OSBPL2: variants seen among roughly 807,000 people sequenced by gnomAD.
The protein encoded by OSBPL2 is oxysterol binding protein like 2, also known as oxysterol-binding protein-related protein 2.
OSBPL2 carries 18 observed loss-of-function variants against 58.4 expected under a neutral mutation model. The ratio of observed to expected loss-of-function variants is 0.31; its 90% confidence interval spans 0.21 to 0.46. The LOEUF is 0.46. Ranked by LOEUF, OSBPL2 falls within the 20% of genes least tolerant of loss-of-function variation. OSBPL2 has a pLI of 1.00. For missense variants in OSBPL2, 461 were observed against 616.5 expected, an observed-to-expected ratio of 0.75 and a Z score of 2.67; for synonymous variants, 221 against 234.1, an observed-to-expected ratio of 0.94 and a Z score of 0.51.
chr20:62,293,196 A>G (rs1416171414), intron 13 of OSBPL2, among the ~76,000 whole-genome samples: 1 of 132,918 alleles, frequency 7.5e-6, no homozygotes, highest in Non-Finnish European at 1.7e-5. Flanking sequence ...TAAAAAAAAT[A>G]TACTGTGAAA....
chr20:62,258,176 T>C (rs974534157), intron 2 of OSBPL2, among the ~76,000 whole-genome samples: 4 of 152,142 alleles, frequency 2.6e-5, no homozygotes, highest in Non-Finnish European at 4.4e-5. Flanking sequence ...TCCCCAAGGA[T>C]GAGGTGGAAG....
chr20:62,262,838 G>A (rs982306096), intron 3 of OSBPL2, among the ~76,000 whole-genome samples: 5 of 152,168 alleles, frequency 3.3e-5, no homozygotes, highest in African/African-American at 1.2e-4. Context: ...GGAGAGCCCT[G>A]GGGTGTCCCT....
chr20:62,261,084 G>A (rs1312976536), intron 3 of OSBPL2, among the ~76,000 whole-genome samples: 1 of 152,074 alleles, frequency 6.6e-6, no homozygotes, highest in South Asian at 2.1e-4. Flanking sequence ...TTGGAAGGCC[G>A]AGGTGGGCGG....
chr20:62,244,514 C>T (rs1979962529), intron 1 of OSBPL2, among the ~76,000 whole-genome samples: 1 of 152,238 alleles, frequency 6.6e-6, no homozygotes, highest in Admixed American at 6.5e-5. Flanking sequence ...TCGTGGGCCG[C>T]ATTGGAACAG....
intron 8 of OSBPL2, 192 bp from the exon 9 acceptor site, chr20:62,281,598 A>G (rs1383729234): frequency 1.6e-5 from 9 of 554,802 alleles, no homozygotes; most frequent in Non-Finnish European, 2.0e-5. Context: ...ATTTTTAGTA[A>G]ATTGACCGAA....
intron 12 of OSBPL2, among the ~76,000 whole-genome samples, chr20:62,290,402 AT>A (rs869227501): frequency 8.8e-6 from 1 of 113,716 alleles, no homozygotes; most frequent in Non-Finnish European, 1.8e-5. Flanking sequence ...CACCTGGCTA[AT>A]TTTTTGGGTT....
Position 62,256,159 on chromosome 20 carries a change from G to A in OSBPL2, c.-26G>A. On this transcript the variant is annotated 5_prime_UTR_variant, in exon 2 of 14. Coordinates refer to ENST00000313733, the MANE Select transcript of OSBPL2 (RefSeq NM_144498.4). ...GATTCAGTAGAAGAGCACATGTCAG[G>A]GGCAGTGGAGGCTGGCTGCTGAAGG... 1 of 1,613,070 alleles carries A rather than the reference G, an allele frequency of 6.2e-7. No homozygotes were observed. The highest frequency in any genetic ancestry group is 1.1e-5 in the South Asian group (1 of 91,018).
intron 4 of OSBPL2, among the ~76,000 whole-genome samples, chr20:62,271,911 G>A (rs1982086653): frequency 6.6e-6 from 1 of 152,158 alleles, no homozygotes; most frequent in African/African-American, 2.4e-5. Context: ...ACCTCTGCAG[G>A]CTCAGCACAG....
chr20:62,251,058 T>G (rs1025918217), intron 1 of OSBPL2, among the ~76,000 whole-genome samples: 12 of 147,484 alleles, frequency 8.1e-5, no homozygotes, highest in Non-Finnish European at 1.6e-4. Context: ...TTTTTTTTTT[T>G]TTTGAGACGG....
At chr20:62,292,462 C>T (rs1235805456) in intron 13 of OSBPL2, among the ~76,000 whole-genome samples, 1 of 152,220 alleles carries the variant, frequency 6.6e-6, no homozygotes, top group Non-Finnish European at 1.5e-5. Context: ...CTGCGTGGGC[C>T]TCACAGAAGC....
At chr20:62,262,006 G>A (rs1177301530) in intron 3 of OSBPL2, among the ~76,000 whole-genome samples, 1 of 151,910 alleles carries the variant, frequency 6.6e-6, no homozygotes, top group African/African-American at 2.4e-5. Flanking sequence ...CACCTGCCTC[G>A]GCCTCCCAAA....
At chr20:62,254,440 G>A (rs917255721) in intron 1 of OSBPL2, among the ~76,000 whole-genome samples, 4 of 152,254 alleles carry the variant, frequency 2.6e-5, no homozygotes, top group Non-Finnish European at 4.4e-5. Flanking sequence ...GTCTGCAAGG[G>A]CAAGCACACC....
chr20:62,261,276 G>C (rs557271250), intron 3 of OSBPL2, among the ~76,000 whole-genome samples: 1 of 144,412 alleles, frequency 6.9e-6, no homozygotes, highest in Non-Finnish European at 1.5e-5. Context: ...AGGTCACGCC[G>C]CTGCACTCCA....
In OSBPL2 at chr20:62,287,544, A is replaced by G. The variant is rs542128259; in HGVS notation, c.1125+833A>G. ...TGATCTTGGCTCACTGCAGGCTCCA[A>G]TTTCTGGGCTCAAGTGATCCTCCTA... is the stretch of plus-strand genomic sequence containing the variant. On this transcript the variant is annotated intron_variant, in intron 11 of 13. Coordinates refer to ENST00000313733, the MANE Select transcript of OSBPL2 (RefSeq NM_144498.4). Among the ~76,000 whole-genome samples the G allele has an allele frequency of 6.4e-4, 98 of 152,182 alleles. 1 individual carries two copies. Among genetic ancestry groups the G allele is most frequent in the African/African-American group, 2.2e-3 (90 of 41,524 alleles).
intron 4 of OSBPL2, 100 bp from the exon 5 acceptor site, chr20:62,272,025 G>A: frequency 7.0e-7 from 1 of 1,436,340 alleles, no homozygotes; most frequent in Non-Finnish European, 9.6e-7. Flanking sequence ...CAACCCCAGA[G>A]GCTGCGGCTC....
At chr20:62,251,699 C>T (rs892550057) in intron 1 of OSBPL2, among the ~76,000 whole-genome samples, 3 of 151,790 alleles carry the variant, frequency 2.0e-5, no homozygotes, top group East Asian at 1.9e-4. Context: ...TGAGCCACTG[C>T]GCCTGGCCTG....
At chr20:62,262,978 G>A (rs1017168946) in intron 3 of OSBPL2, among the ~76,000 whole-genome samples, 4 of 152,044 alleles carry the variant, frequency 2.6e-5, no homozygotes, top group Admixed American at 6.6e-5. Context: ...CCATTCAGGC[G>A]CTCCCCTCCT....
chr20:62,268,839 C>T (rs756223995), intron 4 of OSBPL2, among the ~76,000 whole-genome samples: 8 of 152,274 alleles, frequency 5.3e-5, no homozygotes, highest in Admixed American at 3.9e-4. Context: ...AGGCGGATCA[C>T]GAAGTCAGGA....
chr20:62,290,793 C>A (rs1479159537), intron 12 of OSBPL2, among the ~76,000 whole-genome samples: 1 of 147,076 alleles, frequency 6.8e-6, no homozygotes, highest in Admixed American at 6.9e-5. Context: ...GGCTGGAGTG[C>A]AGTGGCGTGA....
Sources: allele counts gnomAD v4.1 joint callset (sites outside exome capture counted in the v4.1 genomes callset), GRCh38; gene constraint gnomAD v4.1.1; transcripts MANE v1.5; gene names NCBI Gene and HGNC (gene_info 2026-07-23, HGNC 2026-07-21).